CCDC171: variants seen among roughly 807,000 people sequenced by gnomAD.
The protein encoded by CCDC171 is coiled-coil domain-containing protein 171.
CCDC171 carries 177 observed loss-of-function variants against 168.2 expected under a neutral mutation model. The observed-to-expected ratio is 1.05, with a 90% CI of 0.93 to 1.19. The LOEUF is 1.19. CCDC171 is among the 50% of genes most tolerant of loss of function. The pLI, the probability that CCDC171 is intolerant of heterozygous loss-of-function variation, is 0.00. For missense variants in CCDC171, 1,991 were observed against 1,539.0 expected, an observed-to-expected ratio of 1.29 and a Z score of -4.91; for synonymous variants, 687 against 540.8, an observed-to-expected ratio of 1.27 and a Z score of -3.75.
At chr9:15,986,796 G>A (rs1205860311) in intron 3 of CCDC171, among the ~76,000 whole-genome samples, 1 of 152,098 alleles carries the variant, frequency 6.6e-6, no homozygotes, top group African/African-American at 2.4e-5. Context: ...CATTAACACA[G>A]ATTCTATAAG....
chr9:15,751,979 C>T (rs977817417), intron 18 of CCDC171, among the ~76,000 whole-genome samples: 2 of 151,988 alleles, frequency 1.3e-5, no homozygotes, highest in African/African-American at 2.4e-5. Context: ...GGCAACCTAC[C>T]GAATGGGAGA....
chr9:15,561,157 C>T (rs922041001), intron 1 of CCDC171, among the ~76,000 whole-genome samples: 1 of 152,146 alleles, frequency 6.6e-6, no homozygotes, highest in Non-Finnish European at 1.5e-5. Flanking sequence ...CTGGTTTCCT[C>T]ATGTATAAAG....
At chr9:15,792,295 C>G (rs1384150701) in intron 21 of CCDC171, among the ~76,000 whole-genome samples, 1 of 152,158 alleles carries the variant, frequency 6.6e-6, no homozygotes, top group Non-Finnish European at 1.5e-5. Context: ...AAGAAACGAA[C>G]AAAGCTTCCA....
intron 6 of CCDC171, among the ~76,000 whole-genome samples, chr9:15,595,586 G>T (rs568015686): frequency 6.6e-6 from 1 of 152,206 alleles, no homozygotes; most frequent in East Asian, 1.9e-4. Context: ...CTTTGCTATT[G>T]TGAATAGTGC....
chr9:15,722,516 A>G (rs568250290), intron 12 of CCDC171, among the ~76,000 whole-genome samples: 55 of 152,226 alleles, frequency 3.6e-4, no homozygotes, highest in Non-Finnish European at 6.9e-4. Flanking sequence ...TAAGAATTGA[A>G]GAGTTTGTCT....
chr9:15,793,226 A>C (rs1269989719), intron 21 of CCDC171, among the ~76,000 whole-genome samples: 3 of 150,006 alleles, frequency 2.0e-5, no homozygotes. Flanking sequence ...AGAGACAAAG[A>C]AGGCCATTAC....
At chr9:15,747,648 G>T (rs918424553) in intron 18 of CCDC171, among the ~76,000 whole-genome samples, 1 of 152,218 alleles carries the variant, frequency 6.6e-6, no homozygotes, top group Admixed American at 6.5e-5. Flanking sequence ...CAACAGATCT[G>T]CAGCTGAGGA....
At chr9:15,616,831 TA>T (rs1699561468) in intron 6 of CCDC171, among the ~76,000 whole-genome samples, 1 of 152,238 alleles carries the variant, frequency 6.6e-6, no homozygotes, top group Non-Finnish European at 1.5e-5. Context: ...AGGTTGTTCA[TA>T]ATACTATTTG....
chr9:15,680,091 C>A (rs1397048800), intron 10 of CCDC171, among the ~76,000 whole-genome samples: 1 of 152,146 alleles, frequency 6.6e-6, no homozygotes, highest in Non-Finnish European at 1.5e-5. Context: ...GCATCTTTAT[C>A]ATAATACTCA....
intron 16 of CCDC171, among the ~76,000 whole-genome samples, chr9:15,735,391 A>G (rs942707982): frequency 6.6e-6 from 1 of 152,170 alleles, no homozygotes; most frequent in Non-Finnish European, 1.5e-5. Context: ...TTCTATTTGA[A>G]AAAGATAGTT....
intron 21 of CCDC171, among the ~76,000 whole-genome samples, chr9:15,801,156 T>A (rs536653257): frequency 2.0e-5 from 3 of 152,166 alleles, no homozygotes; most frequent in South Asian, 2.1e-4. Flanking sequence ...AAGAATGTTA[T>A]TGGTATTTTT....
At chr9:15,557,981 A>G (rs1586939528) in intron 1 of CCDC171, among the ~76,000 whole-genome samples, 1 of 152,262 alleles carries the variant, frequency 6.6e-6, no homozygotes, top group African/African-American at 2.4e-5. Flanking sequence ...CCTTTTCTGC[A>G]TCTATTGAGA....
chr9:15,939,986 T>A (rs1827538392), intron 25 of CCDC171, among the ~76,000 whole-genome samples: 2 of 151,886 alleles, frequency 1.3e-5, no homozygotes, highest in Admixed American at 6.6e-5. Context: ...CTTGAAAGCC[T>A]GAAAATTTAA....
In CCDC171 at chr9:15,952,934, T is replaced by C. The variant is rs1285442778; in HGVS notation, c.3754-18675T>C. On this transcript the variant is annotated intron_variant, in intron 25 of 25. Transcript: ENST00000380701. ...TTAATGCCTAGGTATTTTATTCTTT[T>C]TGATGCTATTTAAATGGAATTGTTT... 3.9e-5 allele frequency among the ~76,000 whole-genome samples: 6 copies of C among 152,340 alleles called. No homozygotes were observed. The East Asian group carries it at 1.2e-3, about 29-fold the overall frequency.
At chr9:15,960,707 T>G (rs1046817389) in intron 25 of CCDC171, among the ~76,000 whole-genome samples, 1 of 152,174 alleles carries the variant, frequency 6.6e-6, no homozygotes, top group Non-Finnish European at 1.5e-5. Context: ...CCAGTGCTTG[T>G]TGTGATTTGA....
intron 24 of CCDC171, among the ~76,000 whole-genome samples, chr9:15,912,965 T>C (rs1823931082): frequency 6.6e-6 from 1 of 152,236 alleles, no homozygotes; most frequent in Admixed American, 6.5e-5. Context: ...GATTTTCACG[T>C]TGATATTCAT....
At chr9:15,831,503 A>G (rs1225728579) in intron 21 of CCDC171, among the ~76,000 whole-genome samples, 1 of 152,210 alleles carries the variant, frequency 6.6e-6, no homozygotes, top group African/African-American at 2.4e-5. Flanking sequence ...TCTGCATTGT[A>G]ATTATACTAA....
At chr9:15,746,267 T>C (rs1287508028) in intron 18 of CCDC171, among the ~76,000 whole-genome samples, 1 of 152,244 alleles carries the variant, frequency 6.6e-6, no homozygotes, top group Non-Finnish European at 1.5e-5. Context: ...TGTAATGGAC[T>C]TAAGATTTGT....
At chr9:15,926,915 A>G (rs1259944046) in intron 25 of CCDC171, among the ~76,000 whole-genome samples, 2 of 151,700 alleles carry the variant, frequency 1.3e-5, no homozygotes, top group East Asian at 3.9e-4. Context: ...TGCTTTTACC[A>G]TATAATAAGT....
Sources: allele counts gnomAD v4.1 joint callset (sites outside exome capture counted in the v4.1 genomes callset), GRCh38; gene constraint gnomAD v4.1.1; transcripts MANE v1.5; gene names NCBI Gene and HGNC (gene_info 2026-07-23, HGNC 2026-07-21).